DGCR8: variants seen among roughly 807,000 people sequenced by gnomAD.
The protein encoded by DGCR8 is DGCR8 microprocessor complex subunit.
A neutral mutation model predicts 78.5 loss-of-function variants in DGCR8; 14 were observed. The ratio of observed to expected loss-of-function variants is 0.18; its 90% CI spans 0.12 to 0.28. The LOEUF (loss-of-function observed/expected upper bound fraction) is 0.28. Ranked by LOEUF, DGCR8 falls within the 10% of genes least tolerant of loss-of-function variation. The pLI is 1.00. For missense variants in DGCR8, 702 were observed against 1,022.5 expected (o/e 0.69, Z 4.28); for synonymous variants, 399 against 402.4 (o/e 0.99, Z 0.10).
intron 1 of DGCR8, among the ~76,000 whole-genome samples, chr22:20,084,116 A>G (rs1349462665): frequency 6.6e-6 from 1 of 152,128 alleles, no homozygotes. Context: ...CGTTCCTCGG[A>G]GTAGATGGCC....
intron 8 of DGCR8, 75 bp downstream of exon 8, chr22:20,092,982 T>C (rs1454582184): frequency 3.5e-6 from 4 of 1,138,132 alleles, no homozygotes; most frequent in Non-Finnish European, 5.2e-6. Context: ...AGGGAGGGGC[T>C]GAGCAGTGGT....
intron 9 of DGCR8, among the ~76,000 whole-genome samples, chr22:20,098,032 C>G (rs1210446767): frequency 6.7e-6 from 1 of 149,128 alleles, no homozygotes; most frequent in Non-Finnish European, 1.5e-5. Flanking sequence ...GAGGCTGAGG[C>G]AGAAGAACCA....
intron 9 of DGCR8, among the ~76,000 whole-genome samples, chr22:20,103,219 A>G (rs2049725505): frequency 6.6e-6 from 1 of 152,180 alleles, no homozygotes; most frequent in African/African-American, 2.4e-5. Flanking sequence ...CATCCTAACA[A>G]TATTGGATTT....
intron 1 of DGCR8, among the ~76,000 whole-genome samples, chr22:20,084,689 G>T (rs2049457756): frequency 6.6e-6 from 1 of 152,198 alleles, no homozygotes; most frequent in African/African-American, 2.4e-5. Flanking sequence ...TGGAATTTGG[G>T]TGTCCTTCCT....
chr22:20,091,592 G>A lies in DGCR8; in HGVS notation c.1464G>A (p.Lys488=), dbSNP rs1348886529. ...SERPILPANQ[K]LITLSVQDAP... ...GGCCCATCTTGCCAGCCAATCAGAA[G>A]CTCATTACTTTATCAGTGCAAGATG... The change falls in exon 6 of 14, where the codon AAG becomes AAA. Residue 488 remains lysine, a synonymous_variant. Coordinates refer to ENST00000351989, the MANE Select transcript of DGCR8 (RefSeq NM_022720.7). 1 of 1,614,210 alleles carries A rather than the reference G, an allele frequency of 6.2e-7. No individual in the cohort carries two copies.
At chr22:20,098,206 G>C (rs1161598801) in intron 9 of DGCR8, among the ~76,000 whole-genome samples, 1 of 151,814 alleles carries the variant, frequency 6.6e-6, no homozygotes, top group Non-Finnish European at 1.5e-5. Context: ...GCTCAGGCTG[G>C]TCTCGAACTC....
rs569005736 is a variant in DGCR8 at position 20,106,287 on chromosome 22, G to C, written c.1889+10G>C. The C allele has an allele frequency of 1.6e-5, 26 of 1,608,520 alleles. No homozygotes were observed. The highest frequency in any genetic ancestry group is 8.8e-5 in the South Asian group (8 of 90,980). ...ACGAGTGCCTTAAAAGGTAGGGTAG[G>C]GGGGTGCCTCCCCCCATGAGTCAGG... On this transcript the variant is annotated intron_variant, in intron 10 of 13. Transcript: ENST00000351989.
In DGCR8 at chr22:20,094,507, C is replaced by T. The variant is rs571976436; in HGVS notation, c.1706-206C>T. ...GAGAGCGCACACACCCAGTGTGGCC[C>T]GTGAGGCTTTCTGGTAGCCTGCCAC... On this transcript the variant is annotated intron_variant, in intron 8 of 13. Transcript: ENST00000351989. Among the ~76,000 whole-genome samples, 14 of 152,334 alleles carry T rather than the reference C, an allele frequency of 9.2e-5. No homozygotes were observed. In the Middle Eastern group the frequency reaches 0.014, roughly 148 times the overall value.
At chr22:20,099,422 C>T (rs1349346400) in intron 9 of DGCR8, among the ~76,000 whole-genome samples, 1 of 152,198 alleles carries the variant, frequency 6.6e-6, no homozygotes, top group Non-Finnish European at 1.5e-5. Context: ...AAGACAAATC[C>T]TGCCATGAGG....
chr22:20,096,263 G>A (rs1231953077), intron 9 of DGCR8, among the ~76,000 whole-genome samples: 1 of 152,156 alleles, frequency 6.6e-6, no homozygotes, highest in Non-Finnish European at 1.5e-5. Context: ...TCATCATGAA[G>A]GTCTTCATCC....
At chr22:20,100,967 A>G (rs1164784883) in intron 9 of DGCR8, 4 of 505,208 alleles carry the variant, frequency 7.9e-6, no homozygotes, top group Non-Finnish European at 2.6e-6. Flanking sequence ...GAAATTTGCT[A>G]GGACTCAGGA....
chr22:20,109,450 A>G (rs760766380), intron 13 of DGCR8, among the ~76,000 whole-genome samples: 22 of 151,818 alleles, frequency 1.4e-4, no homozygotes, highest in Non-Finnish European at 2.4e-4. Context: ...CCACGGCGTG[A>G]CCTGCCCACC....
In DGCR8 at chr22:20,106,573, TGTC is replaced by T; in HGVS notation, c.1890-18_1890-16del. On this transcript the variant is annotated splice_polypyrimidine_tract_variant and intron_variant, in intron 10 of 13. Coordinates refer to ENST00000351989, the MANE Select transcript of DGCR8 (RefSeq NM_022720.7). ...GCTCTGCTCAGGGGACGCCATCTGT[TGTC>T]TGTTTTCTCTTAAAGAAACCATGGG... The T allele has an allele frequency of 6.3e-7, 1 of 1,583,448 alleles. No homozygotes were observed. Among genetic ancestry groups the T allele is most frequent in the Non-Finnish European group, 8.7e-7 (1 of 1,151,978 alleles).
chr22:20,109,078 C>T (rs1471027031), intron 13 of DGCR8, 75 bp downstream of exon 13: 2 of 789,238 alleles, frequency 2.5e-6, no homozygotes, highest in Admixed American at 3.6e-5. Flanking sequence ...CAGCAGACCC[C>T]AGGACCCGTG....
chr22:20,098,481 G>A (rs1226908538), intron 9 of DGCR8, among the ~76,000 whole-genome samples: 1 of 152,062 alleles, frequency 6.6e-6, no homozygotes, highest in Non-Finnish European at 1.5e-5. Context: ...GTCAAGAATT[G>A]GACATTTAAA....
intron 13 of DGCR8, among the ~76,000 whole-genome samples, chr22:20,109,366 T>C (rs941059921): frequency 6.6e-6 from 1 of 152,132 alleles, no homozygotes; most frequent in African/African-American, 2.4e-5. Context: ...TAAAGCCACC[T>C]TGGGAACCCC....
At chr22:20,095,319 T>A (rs1364779324) in intron 9 of DGCR8, among the ~76,000 whole-genome samples, 3 of 152,202 alleles carry the variant, frequency 2.0e-5, no homozygotes. Context: ...TTGGCCAGGC[T>A]GGTCTCGAAC....
At chr22:20,092,682 C>T in intron 7 of DGCR8, 127 bp from the exon 8 acceptor site, 1 of 721,968 alleles carries the variant, frequency 1.4e-6, no homozygotes, top group Non-Finnish European at 2.3e-6. Context: ...TCTCTGCAGT[C>T]AAGCACAGGC....
chr22:20,094,905 C>T, intron 9 of DGCR8, 110 bp downstream of exon 9: 2 of 898,396 alleles, frequency 2.2e-6, no homozygotes, highest in East Asian at 2.5e-5. Context: ...CTTCCATGCC[C>T]TGTAGGTTAG....
Sources: allele counts gnomAD v4.1 joint callset (sites outside exome capture counted in the v4.1 genomes callset), GRCh38; gene constraint gnomAD v4.1.1; transcripts MANE v1.5; gene names NCBI Gene and HGNC (gene_info 2026-07-23, HGNC 2026-07-21).